The following RRAGC variants were observed in gnomAD, a reference collection of about 807,000 sequenced individuals.
RRAGC encodes the protein Ras related GTP binding C.
Under a neutral mutation model 37.1 loss-of-function variants are expected in RRAGC, and 8 were observed. That is an observed-to-expected ratio of 0.22 (90% CI 0.13 to 0.39). RRAGC has a LOEUF of 0.39. Among genes scored for constraint, RRAGC ranks in the 10% least tolerant of loss-of-function variants. RRAGC has a pLI of 1.00. For synonymous variants in RRAGC, 190 were observed against 181.1 expected, an observed-to-expected ratio of 1.05 and a Z score of -0.39; for missense variants, 342 against 497.6, an observed-to-expected ratio of 0.69 and a Z score of 2.98.
At chr1:38,841,110 T>A (rs762469249) in intron 6 of RRAGC, among the ~76,000 whole-genome samples, 1 of 152,164 alleles carries the variant, frequency 6.6e-6, no homozygotes, top group Non-Finnish European at 1.5e-5. Context: ...TGAAACATAA[T>A]TGGCTATAAT....
At chr1:38,846,147 A>C (rs1233853436) in intron 5 of RRAGC, 60 bp from the exon 6 acceptor site, 2 of 1,317,026 alleles carry the variant, frequency 1.5e-6, no homozygotes, top group East Asian at 2.3e-5. Context: ...TGCCACATTT[A>C]ATCTGCACAA....
chr1:38,857,451 G>A (rs952579995), intron 1 of RRAGC, among the ~76,000 whole-genome samples: 2 of 152,106 alleles, frequency 1.3e-5, no homozygotes, highest in African/African-American at 4.8e-5. Flanking sequence ...TAAGAAGTCT[G>A]GTTTATTCAA....
Position 38,859,759 on chromosome 1 carries a change from AG to A in RRAGC, c.-114del. 1.0e-6 allele frequency: 1 copy of A among 955,246 alleles called. No homozygotes were observed. Among genetic ancestry groups the A allele is most frequent in the South Asian group, 4.9e-5 (1 of 20,516 alleles). 59.2% of individuals were successfully genotyped at this position (955,246 alleles called of 1,614,324 possible). A position where few individuals can be genotyped will look rare whatever the true frequency, so the allele number is the denominator to read the frequency against. The stretch of plus-strand genomic sequence containing the variant: ...CGCCACCACCGCCACCGCCCCCGGC[AG>A]CCGCCACAGTCCGGCCCGCCCCCCG... On this transcript the variant is annotated 5_prime_UTR_variant, in exon 1 of 7. Transcript: ENST00000373001.
chr1:38,839,716 AAAAAG>A lies in RRAGC; in HGVS notation c.1049-17_1049-13del. On this transcript the variant is annotated splice_polypyrimidine_tract_variant and intron_variant, in intron 6 of 6. Transcript: ENST00000373001. ...GTAGTCTATTAAACCTGCAGGAAGG[AAAAAG>A]AAAAGAATGCCTCCTGAATTGTCAA... 1 of 1,612,608 alleles carries A rather than the reference AAAAAG, an allele frequency of 6.2e-7. No individual in the cohort carries two copies. Among genetic ancestry groups the A allele is most frequent in the Non-Finnish European group, 8.5e-7 (1 of 1,179,286 alleles).
intron 1 of RRAGC, among the ~76,000 whole-genome samples, chr1:38,858,729 G>C (rs1025763750): frequency 2.6e-5 from 4 of 152,148 alleles, no homozygotes; most frequent in Admixed American, 6.5e-5. Flanking sequence ...AACGTGTACA[G>C]CCCTCCATTT....
chr1:38,859,484 C>T lies in RRAGC; in HGVS notation c.163G>A (p.Gly55Arg), dbSNP rs765940794. 6.5e-7 allele frequency: 1 copy of T among 1,548,006 alleles called. No individual in the cohort carries two copies. ...GAGAGGGCGP[G>R]GADSSKPRIL... is the part of the protein sequence containing the mutation. ...CTCGGCTTGGAGCTGTCAGCGCCCC[C>T]CGGACCACAGCCACCGCCTGCCCCT... Residue 55 changes from glycine to arginine, a missense_variant, in exon 1 of 7, where the codon GGG becomes AGG. Physicochemically the swap from Gly to Arg is moderately radical, Grantham distance 125. This residue lies in a region of RRAGC where 104 missense variants were observed against 93.4 expected (regional missense o/e 1.11). Coordinates refer to ENST00000373001, the MANE Select transcript of RRAGC (RefSeq NM_022157.4).
In RRAGC at chr1:38,859,616, G is replaced by T. The variant is rs1210086412; in HGVS notation, c.31C>A (p.Pro11Thr). 1.3e-6 allele frequency: 2 copies of T among 1,563,278 alleles called. No individual in the cohort carries two copies. The highest frequency in any genetic ancestry group is 1.7e-6 in the Non-Finnish European group (2 of 1,155,340). The change falls in exon 1 of 7, where the codon CCC (proline) becomes ACC (threonine). Residue 11 changes from proline (P) to threonine (T), a missense_variant. By Grantham distance (38) the Pro-to-Thr change is conservative (BLOSUM62 -1). Coordinates refer to ENST00000373001, the MANE Select transcript of RRAGC (RefSeq NM_022157.4). Reference sequence around the variant, plus strand: ...GCCGCGCCGTAACTGCCGGCGAGGGGCGTCTCCTCCGCCCCGTACTGCAGG... The same window carrying T: ...GCCGCGCCGTAACTGCCGGCGAGGGTCGTCTCCTCCGCCCCGTACTGCAGG... The part of the protein sequence containing the change: MSLQYGAEET[P>T]LAGSYGAADS...
rs536470891 is a variant in RRAGC at position 38,842,668 on chromosome 1, C to T, written c.1049-2964G>A. On this transcript the variant is annotated intron_variant, in intron 6 of 6. Transcript: ENST00000373001. ...ACTCTATAAATTCCACTCCTAAAGG[C>T]ATACCCTAGAGAAATTCTCCACACG... 3.3e-5 allele frequency among the ~76,000 whole-genome samples: 5 copies of T among 152,314 alleles called. No individual in the cohort carries two copies. In the East Asian group the frequency reaches 9.7e-4, roughly 29 times the overall value.
At chr1:38,849,573 A>T (rs566304639) in intron 5 of RRAGC, among the ~76,000 whole-genome samples, 1 of 152,178 alleles carries the variant, frequency 6.6e-6, no homozygotes, top group Admixed American at 6.5e-5. Flanking sequence ...CTGTAATCCC[A>T]GCTACTCGGG....
chr1:38,845,210 G>A lies in RRAGC; in HGVS notation c.1048+729C>T, dbSNP rs571706163. Among the ~76,000 whole-genome samples, 282 of 152,272 alleles carry A rather than the reference G, an allele frequency of 1.9e-3. 2 individuals carry two copies. The highest frequency in any genetic ancestry group is 6.2e-3 in the African/African-American group (259 of 41,538). On this transcript the variant is annotated intron_variant, in intron 6 of 6. Coordinates refer to ENST00000373001, the MANE Select transcript of RRAGC (RefSeq NM_022157.4). ...TTGCAGCACTCTTCACAATAGCAAA[G>A]ACTCGGAACCAACCCAAATGCCCAT...
At chr1:38,857,624 T>G (rs989938065) in intron 1 of RRAGC, among the ~76,000 whole-genome samples, 1 of 152,196 alleles carries the variant, frequency 6.6e-6, no homozygotes, top group Non-Finnish European at 1.5e-5. Context: ...AGGGAAAAGA[T>G]AGCTCTCATG....
intron 1 of RRAGC, among the ~76,000 whole-genome samples, chr1:38,858,505 C>G (rs980139791): frequency 4.6e-5 from 7 of 152,248 alleles, no homozygotes; most frequent in African/African-American, 1.7e-4. Flanking sequence ...CGAGATGACC[C>G]TGGCCAACAT....
chr1:38,841,117 T>C (rs2124212781), intron 6 of RRAGC, among the ~76,000 whole-genome samples: 1 of 152,312 alleles, frequency 6.6e-6, no homozygotes, highest in Middle Eastern at 3.4e-3. Flanking sequence ...TAATTGGCTA[T>C]AATTTTGATA....
At chr1:38,849,118 A>C (rs889854071) in intron 5 of RRAGC, among the ~76,000 whole-genome samples, 2 of 152,064 alleles carry the variant, frequency 1.3e-5, no homozygotes, top group Non-Finnish European at 2.9e-5. Flanking sequence ...AAAAAGAAAA[A>C]AAAAAGGTTA....
Position 38,859,471 on chromosome 1 carries a change from C to T in RRAGC, c.176G>A (p.Ser59Asn), listed in dbSNP as rs1270297306. ...GGGCGPGGAD[S>N]SKPRILLMGL... ...CATGAGCAGAATCCTCGGCTTGGAG[C>T]TGTCAGCGCCCCCCGGACCACAGCC... Residue 59 changes from serine (S) to asparagine (N), a missense_variant, in exon 1 of 7, where the codon AGC becomes AAC. Physicochemically the swap from Ser to Asn is conservative, Grantham distance 46 (BLOSUM62 1). Coordinates refer to ENST00000373001, the MANE Select transcript of RRAGC (RefSeq NM_022157.4). The T allele has an allele frequency of 1.9e-6, 3 of 1,548,006 alleles. No individual in the cohort carries two copies. The highest frequency in any genetic ancestry group is 2.6e-6 in the Non-Finnish European group (3 of 1,146,686).
rs1641921679 is a variant in RRAGC, at chr1:38,839,328, G to C, written c.*225C>G. On this transcript the variant is annotated 3_prime_UTR_variant, in exon 7 of 7. Transcript: ENST00000373001. ...ACACACTTGAGTTCTGTGGTCTCCAGAATTTTTTTTTTTTTTTTTTGCCAT... is the reference window on the plus strand; with the variant it reads ...ACACACTTGAGTTCTGTGGTCTCCACAATTTTTTTTTTTTTTTTTTGCCAT... The C allele has an allele frequency of 2.5e-6, 1 of 405,310 alleles. No individual in the cohort carries two copies. The highest frequency in any genetic ancestry group is 4.4e-6 in the Non-Finnish European group (1 of 229,230). The allele number at this position is 405,310 out of a possible 1,614,324, so 25.1% of individuals were successfully genotyped here. A position where few individuals can be genotyped will look rare whatever the true frequency, so the allele number is the denominator to read the frequency against.
chr1:38,850,041 C>T (rs1642079986), intron 5 of RRAGC, among the ~76,000 whole-genome samples: 1 of 149,768 alleles, frequency 6.7e-6, no homozygotes, highest in Non-Finnish European at 1.5e-5. Context: ...CCAATCTCTA[C>T]CAAAAATATA....
chr1:38,845,333 G>A (rs1048539056), intron 6 of RRAGC, among the ~76,000 whole-genome samples: 1 of 152,150 alleles, frequency 6.6e-6, no homozygotes, highest in Non-Finnish European at 1.5e-5. Context: ...CAGGGACATG[G>A]ATGAAGCTGG....
intron 6 of RRAGC, among the ~76,000 whole-genome samples, chr1:38,841,368 A>ATTTT (rs370794807): frequency 2.7e-5 from 4 of 147,074 alleles, no homozygotes; most frequent in South Asian, 2.2e-4. Context: ...ATAAACAAAA[A>ATTTT]TTTTTTTTTT....
Sources: gnomAD v4.1 joint callset for allele counts (sites outside exome capture counted in the v4.1 genomes callset) on GRCh38, gnomAD v4.1.1 for gene constraint, gnomAD v4.1.1 regional missense constraint, MANE v1.5 for transcripts, NCBI Gene and HGNC (gene_info 2026-07-23, HGNC 2026-07-21) for gene names.